The following SGCD variants were observed in gnomAD, a reference collection of about 807,000 sequenced individuals.
SGCD encodes the protein sarcoglycan delta.
SGCD carries 18 observed loss-of-function variants against 36.6 expected under a neutral mutation model. The ratio of observed to expected loss-of-function variants is 0.49; its 90% CI spans 0.34 to 0.73. The LOEUF (loss-of-function observed/expected upper bound fraction) is 0.73, where lower values mean the gene tolerates loss of function less well. Ranked by LOEUF, SGCD falls within the 30% of genes least tolerant of loss-of-function variation. The pLI, the probability that SGCD is intolerant of heterozygous loss-of-function variation, is 0.01. For missense variants in SGCD, 387 were observed against 346.7 expected (o/e 1.12, Z -0.92); for synonymous variants, 133 against 130.6 (o/e 1.02, Z -0.12).
chr5:156,122,431 A>G (rs1036873861), intron 2 of SGCD, among the ~76,000 whole-genome samples: 3 of 152,158 alleles, frequency 2.0e-5, no homozygotes, highest in African/African-American at 7.2e-5. Flanking sequence ...TTACAATTTT[A>G]AACAGGGTAA....
intron 7 of SGCD, among the ~76,000 whole-genome samples, chr5:156,731,164 A>G (rs756501457): frequency 6.6e-6 from 1 of 152,114 alleles, no homozygotes; most frequent in African/African-American, 2.4e-5. Context: ...CAAGAAAAAA[A>G]CAAGCAAATT....
intron 1 of SGCD, among the ~76,000 whole-genome samples, chr5:156,096,125 A>T (rs965675424): frequency 9.9e-5 from 15 of 152,180 alleles, no homozygotes; most frequent in African/African-American, 3.6e-4. Flanking sequence ...CCAGAGCCCC[A>T]GCTATGAGGT....
chr5:155,906,806 G>A (rs1756523200), intron 1 of SGCD, among the ~76,000 whole-genome samples: 1 of 140,724 alleles, frequency 7.1e-6, no homozygotes, highest in South Asian at 2.2e-4. Flanking sequence ...TGCAGAAGCT[G>A]CAGCAAATGC....
At chr5:155,944,234 G>C (rs1377071577) in intron 1 of SGCD, among the ~76,000 whole-genome samples, 1 of 152,098 alleles carries the variant, frequency 6.6e-6, no homozygotes, top group Non-Finnish European at 1.5e-5. Flanking sequence ...TGTAAATTAA[G>C]ATCAAACCAA....
chr5:155,988,531 T>C (rs1312998164), intron 1 of SGCD, among the ~76,000 whole-genome samples: 1 of 152,172 alleles, frequency 6.6e-6, no homozygotes, highest in South Asian at 2.1e-4. Flanking sequence ...CAACTAATAG[T>C]GCCAGCCGCA....
intron 7 of SGCD, among the ~76,000 whole-genome samples, chr5:156,707,269 A>G (rs1754783978): frequency 6.6e-6 from 1 of 152,300 alleles, no homozygotes; most frequent in East Asian, 1.9e-4. Context: ...TTAGAAATCT[A>G]TGCCAACCAG....
chr5:156,510,028 G>T (rs1259464512), intron 4 of SGCD, among the ~76,000 whole-genome samples: 1 of 152,154 alleles, frequency 6.6e-6, no homozygotes, highest in Non-Finnish European at 1.5e-5. Context: ...GCAACTTGGT[G>T]CAGTGGCTGA....
the SGCD span, among the ~76,000 whole-genome samples, chr5:155,748,155 C>T: frequency 2.6e-5 from 4 of 151,208 alleles, no homozygotes; most frequent in South Asian, 2.1e-4. Context: ...GCCACAAAGA[C>T]CTTCCCTTGT....
At chr5:156,186,467 C>G (rs1581155703) in intron 3 of SGCD, among the ~76,000 whole-genome samples, 1 of 152,164 alleles carries the variant, frequency 6.6e-6, no homozygotes, top group African/African-American at 2.4e-5. Flanking sequence ...CACATGAGAT[C>G]ATTCTCCTCC....
chr5:155,877,051 C>T (rs977486752), intron 1 of SGCD, among the ~76,000 whole-genome samples: 14 of 152,056 alleles, frequency 9.2e-5, no homozygotes, highest in Non-Finnish European at 2.9e-5. Context: ...ACCTTTTAAA[C>T]ATCAGCTATC....
chr5:156,038,386 G>GA (rs1040602084), intron 1 of SGCD, among the ~76,000 whole-genome samples: 11 of 150,284 alleles, frequency 7.3e-5, no homozygotes, highest in Admixed American at 5.4e-4. Context: ...TCCTGGAACA[G>GA]AAAAAAAATC....
At chr5:155,774,250 T>G in the SGCD span, among the ~76,000 whole-genome samples, 1 of 152,110 alleles carries the variant, frequency 6.6e-6, no homozygotes, top group Non-Finnish European at 1.5e-5. Flanking sequence ...AGAAAGCATT[T>G]TTCACAATTT....
At chr5:156,038,608 CCA>C (rs112266222) in intron 1 of SGCD, among the ~76,000 whole-genome samples, 1,623 of 150,704 alleles carry the variant, frequency 0.011, 43 homozygotes, top group African/African-American at 0.038. Flanking sequence ...AAAATGGCTC[CCA>C]CACACACACA....
intron 2 of SGCD, 45 bp downstream of exon 2, chr5:156,329,624 G>A: frequency 1.3e-6 from 2 of 1,579,956 alleles, no homozygotes; most frequent in Non-Finnish European, 1.7e-6. Context: ...CCCTGCTCAT[G>A]GTCATTTTAT....
intron 1 of SGCD, among the ~76,000 whole-genome samples, chr5:155,879,461 C>T (rs747165987): frequency 7.9e-5 from 12 of 152,044 alleles, no homozygotes; most frequent in Non-Finnish European, 1.5e-4. Context: ...CCCTGGATAG[C>T]GTTGTCTCCT....
intron 7 of SGCD, among the ~76,000 whole-genome samples, chr5:156,752,060 G>T (rs899301561): frequency 6.6e-6 from 1 of 152,206 alleles, no homozygotes; most frequent in Non-Finnish European, 1.5e-5. Context: ...ATAAATCATG[G>T]TATATGGTAA....
At chr5:156,155,010 G>A (rs1762919402) in intron 3 of SGCD, among the ~76,000 whole-genome samples, 1 of 151,582 alleles carries the variant, frequency 6.6e-6, no homozygotes, top group South Asian at 2.1e-4. Context: ...AATAGGTCAG[G>A]TTTGCATTTT....
chr5:156,506,334 AT>A (rs1237350463), intron 3 of SGCD, among the ~76,000 whole-genome samples: 1 of 151,730 alleles, frequency 6.6e-6, no homozygotes, highest in Non-Finnish European at 1.5e-5. Context: ...AAATCATGTT[AT>A]TTTTACTAAA....
intron 6 of SGCD, among the ~76,000 whole-genome samples, chr5:156,615,337 GTTT>G (rs1187636818): frequency 6.6e-6 from 1 of 152,206 alleles, no homozygotes; most frequent in Non-Finnish European, 1.5e-5. Context: ...CTGTAGATTA[GTTT>G]TTTAAATATA....
Sources: allele counts gnomAD v4.1 joint callset (sites outside exome capture counted in the v4.1 genomes callset), GRCh38; gene constraint gnomAD v4.1.1; transcripts MANE v1.5; gene names NCBI Gene and HGNC (gene_info 2026-07-23, HGNC 2026-07-21).